Variants in PIKFYVE observed in about 807,000 individuals in gnomAD.
The protein encoded by PIKFYVE is 1-phosphatidylinositol 3-phosphate 5-kinase.
Under a neutral mutation model 257.9 loss-of-function variants are expected in PIKFYVE, and 122 were observed. The observed-to-expected ratio is 0.47, with a 90% confidence interval of 0.41 to 0.55. PIKFYVE has a LOEUF of 0.55. Among genes scored for constraint, PIKFYVE ranks in the 20% least tolerant of loss-of-function variants. The probability of loss-of-function intolerance (pLI) is 0.00; values close to 1 mark genes in which losing one functional copy is unlikely to be tolerated. For synonymous variants in PIKFYVE, 892 were observed against 868.9 expected (o/e 1.03, Z -0.47); for missense variants, 2,160 against 2,536.6 (o/e 0.85, Z 3.19).
chr2:208,294,142 T>C (rs1017830781), intron 7 of PIKFYVE, among the ~76,000 whole-genome samples: 1 of 152,200 alleles, frequency 6.6e-6, no homozygotes, highest in Non-Finnish European at 1.5e-5. Context: ...TTTGGCAGTT[T>C]CCGTTGAGAT....
intron 18 of PIKFYVE, among the ~76,000 whole-genome samples, chr2:208,324,692 T>C (rs573560642): frequency 9.2e-5 from 14 of 152,324 alleles, no homozygotes; most frequent in African/African-American, 2.9e-4. Flanking sequence ...AAGTGCATTT[T>C]TATAATGTTA....
chr2:208,354,143 A>G lies in PIKFYVE; in HGVS notation c.6090A>G (p.Leu2030=), dbSNP rs1208319875. The G allele has an allele frequency of 2.5e-6, 4 of 1,613,486 alleles. 1 individual carries two copies. Among genetic ancestry groups the G allele is most frequent in the East Asian group, 4.5e-5 (2 of 44,866 alleles). The stretch of plus-strand genomic sequence containing the variant: ...GGCGAGATGATACTAGCAATGAGCT[A>G]GTAGTTGGAATTATAGGTAAGTCAA... ...LVGRDDTSNE[L]VVGIIDYIRT... Residue 2030 remains leucine (L), a synonymous_variant, in exon 40 of 42, where the codon CTA becomes CTG. Transcript: ENST00000264380.
chr2:208,278,605 A>G (rs1014535524), intron 5 of PIKFYVE, among the ~76,000 whole-genome samples: 1 of 151,900 alleles, frequency 6.6e-6, no homozygotes, highest in Non-Finnish European at 1.5e-5. Context: ...TGCCATCTTT[A>G]TGTCCTCATG....
At chr2:208,340,766 T>G (rs1459215719) in intron 31 of PIKFYVE, among the ~76,000 whole-genome samples, 1 of 152,168 alleles carries the variant, frequency 6.6e-6, no homozygotes, top group East Asian at 1.9e-4. Flanking sequence ...TAGTGCCTGT[T>G]TAAGTGTCCT....
At chr2:208,340,737 C>T (rs180748141) in intron 31 of PIKFYVE, among the ~76,000 whole-genome samples, 9 of 152,188 alleles carry the variant, frequency 5.9e-5, no homozygotes, top group Admixed American at 2.0e-4. Flanking sequence ...TTTATTCAAT[C>T]AGTATTTAAA....
rs1700155137 is a variant in PIKFYVE at position 208,356,273 on chromosome 2, G to A, written c.*968G>A. 1.3e-5 allele frequency: 2 copies of A among 152,156 alleles called. No homozygotes were observed. Among genetic ancestry groups the A allele is most frequent in the Admixed American group, 1.3e-4 (2 of 15,282 alleles). 9.4% of individuals were successfully genotyped at this position (152,156 alleles called of 1,614,324 possible). A position where few individuals can be genotyped will look rare whatever the true frequency, so the allele number is the denominator to read the frequency against. On this transcript the variant is annotated 3_prime_UTR_variant, in exon 42 of 42. Coordinates refer to ENST00000264380, the MANE Select transcript of PIKFYVE (RefSeq NM_015040.4). ...CTTTTCAATATAACCAGCAATTTAG[G>A]TGGCATCTATAAAATAAAAAATTTC...
Position 208,328,273 on chromosome 2 carries a change from A to C in PIKFYVE, c.3712A>C (p.Ser1238Arg), listed in dbSNP as rs760245704. Residue 1238 changes from serine (S) to arginine (R), a missense_variant, in exon 21 of 42, where the codon AGT becomes CGT. Coordinates refer to ENST00000264380, the MANE Select transcript of PIKFYVE (RefSeq NM_015040.4). Reference protein sequence around the residue: ...QSSNAPSACVSPWIVTMEFYG... With the variant: ...QSSNAPSACVRPWIVTMEFYG... ...CAGCAATGCTCCTAGTGCCTGTGTCAGTCCTTGGTAGGATTCTTTTCCCCC... is the reference window on the plus strand; with the variant it reads ...CAGCAATGCTCCTAGTGCCTGTGTCCGTCCTTGGTAGGATTCTTTTCCCCC... 3 of 1,613,718 alleles carry C rather than the reference A, an allele frequency of 1.9e-6. No homozygotes were observed. The South Asian group carries it at 3.3e-5, about 18-fold the overall frequency.
intron 34 of PIKFYVE, among the ~76,000 whole-genome samples, chr2:208,346,720 A>G (rs1699266538): frequency 6.6e-6 from 1 of 152,248 alleles, no homozygotes; most frequent in African/African-American, 2.4e-5. Context: ...AAGGATTTAA[A>G]CAAATGACAG....
intron 8 of PIKFYVE, 46 bp downstream of exon 8, chr2:208,298,825 G>A (rs750483304): frequency 8.7e-6 from 14 of 1,608,938 alleles, no homozygotes; most frequent in Non-Finnish European, 8.5e-7. Flanking sequence ...TGAGCATAGA[G>A]AATGTTCATG....
intron 13 of PIKFYVE, among the ~76,000 whole-genome samples, chr2:208,312,916 T>G (rs1054525766): frequency 2.0e-5 from 3 of 152,178 alleles, no homozygotes; most frequent in Non-Finnish European, 2.9e-5. Flanking sequence ...CGGTTTCAGA[T>G]CAAAGAGAGA....
chr2:208,298,854 TC>T lies in PIKFYVE; in HGVS notation c.1050+76del. On this transcript the variant is annotated intron_variant, in intron 8 of 41. Coordinates refer to ENST00000264380, the MANE Select transcript of PIKFYVE (RefSeq NM_015040.4). ...GTTCATGTGACTGAGTCTTTTTTTT[TC>T]TTTTTGAGACACGGTCTTGGTGTGC... The T allele has an allele frequency of 2.5e-6, 4 of 1,576,556 alleles. No homozygotes were observed. In the African/African-American group the frequency reaches 4.1e-5, roughly 16 times the overall value.
At position 208,276,754 on chromosome 2, in the gene PIKFYVE, C is replaced by T; in HGVS notation, c.365C>T (p.Pro122Leu). The T allele has an allele frequency of 6.2e-7, 1 of 1,613,678 alleles. No homozygotes were observed. The highest frequency in any genetic ancestry group is 1.1e-5 in the South Asian group (1 of 91,064). Residue 122 changes from proline to leucine, a missense_variant, in exon 4 of 42, where the codon CCT (proline) becomes CTT (leucine). Pro to Leu is a moderately conservative substitution (Grantham distance 98, BLOSUM62 -3). This residue lies in a region of PIKFYVE where 172 missense variants were observed against 180.6 expected (regional missense o/e 0.95). Coordinates refer to ENST00000264380, the MANE Select transcript of PIKFYVE (RefSeq NM_015040.4). ...GAACCTACCTTTGGAGGTCATGACC[C>T]TCGTACAGCTGTTCAGCTTCGAAGC... is the stretch of plus-strand genomic sequence containing the variant. ...KAEPTFGGHD[P>L]RTAVQLRSLS...
chr2:208,281,847 C>G (rs1690849253), intron 5 of PIKFYVE, among the ~76,000 whole-genome samples: 1 of 152,166 alleles, frequency 6.6e-6, no homozygotes, highest in Non-Finnish European at 1.5e-5. Flanking sequence ...GTTGGTGATT[C>G]AGTTTGTGTT....
intron 31 of PIKFYVE, among the ~76,000 whole-genome samples, chr2:208,341,897 A>T (rs1314795177): frequency 6.6e-6 from 1 of 151,788 alleles, no homozygotes; most frequent in East Asian, 1.9e-4. Flanking sequence ...ATATTTATTT[A>T]TTTATTGGAT....
chr2:208,334,653 C>T (rs1697935545), intron 24 of PIKFYVE: 2 of 152,386 alleles, frequency 1.3e-5, no homozygotes, highest in African/African-American at 4.8e-5. Context: ...CTCTGCTTCT[C>T]TTGCTATATT....
At chr2:208,330,400 G>C (rs750033685) in intron 22 of PIKFYVE, 123 bp from the exon 23 acceptor site, 12 of 1,126,906 alleles carry the variant, frequency 1.1e-5, no homozygotes, top group Non-Finnish European at 1.6e-5. Context: ...ACGATGTTCA[G>C]CTGCAGGCTC....
intron 13 of PIKFYVE, among the ~76,000 whole-genome samples, chr2:208,314,042 T>C (rs1424597809): frequency 1.3e-5 from 2 of 152,250 alleles, no homozygotes; most frequent in Non-Finnish European, 2.9e-5. Flanking sequence ...TGTTTCTGAT[T>C]TTGGCTGTTG....
At position 208,271,706 on chromosome 2, in the gene PIKFYVE, A is replaced by C; in HGVS notation, c.172+15A>C. 3 of 1,606,492 alleles carry C rather than the reference A, an allele frequency of 1.9e-6. No individual in the cohort carries two copies. The highest frequency in any genetic ancestry group is 2.6e-6 in the Non-Finnish European group (3 of 1,173,244). On this transcript the variant is annotated intron_variant, in intron 2 of 41. Transcript: ENST00000264380. ...TTTTAACAAAGGTAAGACTTATTAA[A>C]GATAAGAGGTTTGATTCAGGTCTGA... is the stretch of plus-strand genomic sequence containing the variant.
chr2:208,267,102 G>A (rs1688735948), intron 1 of PIKFYVE, among the ~76,000 whole-genome samples: 1 of 152,222 alleles, frequency 6.6e-6, no homozygotes, highest in African/African-American at 2.4e-5. Flanking sequence ...TATAAAGCAA[G>A]TTATTCGTGT....
Sources: allele counts gnomAD v4.1 joint callset (sites outside exome capture counted in the v4.1 genomes callset), GRCh38; gene constraint gnomAD v4.1.1; regional missense constraint gnomAD v4.1.1; transcripts MANE v1.5; gene names NCBI Gene and HGNC (gene_info 2026-07-23, HGNC 2026-07-21).